DLG2: variants seen among roughly 807,000 people sequenced by gnomAD.
DLG2 encodes the protein disks large homolog 2.
In DLG2, 45 loss-of-function variants were observed where a neutral mutation model predicts 132.5. That is an observed-to-expected ratio of 0.34 (90% CI 0.27 to 0.44). DLG2 has a LOEUF of 0.44. Among genes scored for constraint, DLG2 ranks in the 20% least tolerant of loss-of-function variants. The pLI is 1.00. For missense variants in DLG2, 1,045 were observed against 1,196.9 expected, an observed-to-expected ratio of 0.87 and a Z score of 1.87; for synonymous variants, 424 against 419.6, an observed-to-expected ratio of 1.01 and a Z score of -0.13.
At chr11:84,633,749 G>A (rs1362818026) in intron 6 of DLG2, among the ~76,000 whole-genome samples, 1 of 152,084 alleles carries the variant, frequency 6.6e-6, no homozygotes, top group African/African-American at 2.4e-5. Flanking sequence ...GGCCAGGCTT[G>A]TTTCCTAGAA....
rs557546849 is a variant in DLG2, at chr11:84,368,557, G to A, written c.520-117266C>T. ...GGGTACAATTATAAAGGAAGATCAC[G>A]TATTTGGTGTTAACATGTGGTCTAA... On this transcript the variant is annotated intron_variant, in intron 7 of 27. Transcript: ENST00000376104. 1.6e-4 allele frequency among the ~76,000 whole-genome samples: 24 copies of A among 152,194 alleles called. No individual in the cohort carries two copies. In the East Asian group the frequency reaches 3.3e-3, roughly 21 times the overall value.
At chr11:84,247,154 C>A (rs1050130909) in intron 8 of DLG2, among the ~76,000 whole-genome samples, 3 of 152,086 alleles carry the variant, frequency 2.0e-5, no homozygotes, top group Non-Finnish European at 2.9e-5. Context: ...AAAAAGCATT[C>A]TAGAATCTCT....
At chr11:84,552,976 C>A (rs1240626915) in intron 6 of DLG2, among the ~76,000 whole-genome samples, 1 of 152,144 alleles carries the variant, frequency 6.6e-6, no homozygotes, top group Non-Finnish European at 1.5e-5. Flanking sequence ...TTTTTTCACT[C>A]ATTTGCATTC....
chr11:85,243,533 C>G (rs183563564), intron 4 of DLG2, among the ~76,000 whole-genome samples: 1 of 152,074 alleles, frequency 6.6e-6, no homozygotes, highest in East Asian at 1.9e-4. Flanking sequence ...AGCTTATTTA[C>G]CAGCTGTGTT....
intron 6 of DLG2, among the ~76,000 whole-genome samples, chr11:84,565,438 G>A (rs10898265): frequency 0.33 from 50,576 of 151,952 alleles, 9,070 homozygotes; most frequent in South Asian, 0.48. Context: ...AACTTTCAAA[G>A]TTAAAGTAAC....
Position 85,121,994 on chromosome 11 carries a change from G to A in DLG2, c.283-10259C>T, listed in dbSNP as rs1007514762. ...TGTATGTATGTGTGTGTGTAAATTA[G>A]AGGAAGGAAGAATTTCACCCACTCA... On this transcript the variant is annotated intron_variant, in intron 5 of 27. Transcript: ENST00000376104. Among the ~76,000 whole-genome samples, 3 of 152,042 alleles carry A rather than the reference G, an allele frequency of 2.0e-5. No individual in the cohort carries two copies. The East Asian group carries it at 5.8e-4, about 29-fold the overall frequency.
At chr11:85,627,477 C>T (rs1242207332), upstream of DLG2, 1 of 152,206 alleles carries the variant, frequency 6.6e-6, no homozygotes, top group Non-Finnish European at 1.5e-5. Context: ...GCCATCTCTT[C>T]GCATTCAAGC....
chr11:83,764,140 T>C (rs542653151), intron 18 of DLG2, among the ~76,000 whole-genome samples: 1 of 152,182 alleles, frequency 6.6e-6, no homozygotes, highest in South Asian at 2.1e-4. Flanking sequence ...TACCAGCTTA[T>C]GTAAAATCAC....
At chr11:84,013,635 G>A (rs995661134) in intron 11 of DLG2, among the ~76,000 whole-genome samples, 7 of 151,918 alleles carry the variant, frequency 4.6e-5, no homozygotes, top group Admixed American at 4.6e-4. Context: ...TTGGGAGGCC[G>A]AGGTGGTTGG....
intron 6 of DLG2, among the ~76,000 whole-genome samples, chr11:84,670,462 C>G (rs1243823836): frequency 1.3e-5 from 2 of 152,098 alleles, no homozygotes; most frequent in African/African-American, 4.8e-5. Context: ...GATCAAAGAG[C>G]AGGGCGCTTA....
chr11:85,618,544 A>G (rs546301254), intron 2 of DLG2, among the ~76,000 whole-genome samples: 1 of 152,306 alleles, frequency 6.6e-6, no homozygotes, highest in South Asian at 2.1e-4. Flanking sequence ...ATGTTCTTAC[A>G]AGTGGGAACT....
chr11:85,426,673 G>A (rs889217347), intron 3 of DLG2, among the ~76,000 whole-genome samples: 1 of 152,130 alleles, frequency 6.6e-6, no homozygotes, highest in Admixed American at 6.5e-5. Flanking sequence ...CACAAAGATG[G>A]GGAAAAAACA....
intron 14 of DLG2, among the ~76,000 whole-genome samples, chr11:83,947,388 A>G (rs1451759518): frequency 6.6e-6 from 1 of 152,198 alleles, no homozygotes; most frequent in Non-Finnish European, 1.5e-5. Context: ...TATAGAGAAA[A>G]CATCACTGAA....
chr11:85,095,725 TC>T (rs2069625688), intron 6 of DLG2, among the ~76,000 whole-genome samples: 1 of 152,102 alleles, frequency 6.6e-6, no homozygotes, highest in Non-Finnish European at 1.5e-5. Context: ...TTTCCAGAGT[TC>T]CCAAATTCAG....
chr11:84,366,817 C>A (rs188152014), intron 7 of DLG2, among the ~76,000 whole-genome samples: 10 of 152,170 alleles, frequency 6.6e-5, no homozygotes, highest in Non-Finnish European at 4.4e-5. Flanking sequence ...TAAAGCAAGT[C>A]CTGAGCGCCC....
intron 18 of DLG2, among the ~76,000 whole-genome samples, chr11:83,734,583 T>G (rs561357699): frequency 5.3e-4 from 81 of 152,220 alleles, no homozygotes; most frequent in African/African-American, 1.9e-3. Context: ...CCCGAGTAGC[T>G]GGGACTACAG....
intron 6 of DLG2, among the ~76,000 whole-genome samples, chr11:84,953,735 G>C (rs1017849649): frequency 6.6e-6 from 1 of 151,968 alleles, no homozygotes; most frequent in Non-Finnish European, 1.5e-5. Context: ...GATGTCTCTA[G>C]AATGCAAAAC....
chr11:84,117,486 T>A (rs1444800166), intron 9 of DLG2, among the ~76,000 whole-genome samples: 1 of 152,184 alleles, frequency 6.6e-6, no homozygotes, highest in Admixed American at 6.5e-5. Flanking sequence ...TCCTCCCAAC[T>A]CCTACTTATA....
chr11:83,752,439 C>G (rs943132923), intron 18 of DLG2, among the ~76,000 whole-genome samples: 1 of 152,156 alleles, frequency 6.6e-6, no homozygotes, highest in Non-Finnish European at 1.5e-5. Flanking sequence ...GAATCAAGTA[C>G]TTCTAGGAGA....
Sources: allele counts gnomAD v4.1 joint callset (sites outside exome capture counted in the v4.1 genomes callset), GRCh38; gene constraint gnomAD v4.1.1; transcripts MANE v1.5; gene names NCBI Gene and HGNC (gene_info 2026-07-23, HGNC 2026-07-21).